Variants in PDHX observed in about 807,000 individuals in gnomAD.
The protein encoded by PDHX is pyruvate dehydrogenase complex component X, also known as pyruvate dehydrogenase protein X component, mitochondrial.
In PDHX, 33 loss-of-function variants were observed where a neutral mutation model predicts 55.3. The observed-to-expected ratio is 0.60, with a 90% confidence interval of 0.45 to 0.80. PDHX has a LOEUF of 0.80. PDHX is among the 30% of genes least tolerant of loss of function. PDHX has a pLI of 0.00. For synonymous variants in PDHX, 226 were observed against 219.4 expected (o/e 1.03, Z -0.27); for missense variants, 622 against 619.9 (o/e 1.00, Z -0.04).
At chr11:34,922,329 T>A (rs1159807352) in intron 1 of PDHX, among the ~76,000 whole-genome samples, 1 of 152,200 alleles carries the variant, frequency 6.6e-6, no homozygotes, top group Non-Finnish European at 1.5e-5. Context: ...GGTTTGGGAA[T>A]AATAAGTAGC....
intron 2 of PDHX, among the ~76,000 whole-genome samples, chr11:34,934,640 C>T (rs1035679885): frequency 1.5e-5 from 2 of 135,310 alleles, no homozygotes; most frequent in South Asian, 2.3e-4. Context: ...TATAATGGCG[C>T]GATCTCTGCT....
chr11:34,939,500 T>TGC (rs1293032277), intron 2 of PDHX, among the ~76,000 whole-genome samples: 27 of 128,276 alleles, frequency 2.1e-4, no homozygotes, highest in African/African-American at 4.8e-4. Flanking sequence ...TGTGTGTGTG[T>TGC]GTGTGCACTT....
intron 7 of PDHX, among the ~76,000 whole-genome samples, chr11:34,970,650 A>T (rs1214154946): frequency 1.3e-5 from 2 of 152,226 alleles, no homozygotes; most frequent in Non-Finnish European, 2.9e-5. Context: ...AGCTTTAAAA[A>T]TACAGGTTGA....
chr11:34,936,390 A>G (rs12275339), intron 2 of PDHX, among the ~76,000 whole-genome samples: 28,774 of 152,122 alleles, frequency 0.19, 3,888 homozygotes, highest in African/African-American at 0.39. Context: ...ATAGAACTGC[A>G]GTGCTGTAAG....
At chr11:34,959,286 T>C (rs2133974483) in intron 4 of PDHX, among the ~76,000 whole-genome samples, 1 of 152,186 alleles carries the variant, frequency 6.6e-6, no homozygotes, top group Middle Eastern at 3.4e-3. Context: ...CCCAAGAAGA[T>C]ACATAGATGG....
At position 34,995,546 on chromosome 11, in the gene PDHX, G is replaced by A. The variant is rs937655238; in HGVS notation, c.*374G>A. On this transcript the variant is annotated 3_prime_UTR_variant, in exon 11 of 11. Transcript: ENST00000227868. The stretch of plus-strand genomic sequence containing the variant: ...TAAAATTAAAAAAACTATTAGAACT[G>A]TACCATAATTATGTTGAAGGTAGAA... 3.5e-6 allele frequency: 1 copy of A among 285,734 alleles called. No homozygotes were observed. The highest frequency in any genetic ancestry group is 6.8e-6 in the Non-Finnish European group (1 of 146,998). The allele number at this position is 285,734 out of a possible 1,614,324, so 17.7% of individuals were successfully genotyped here. A position where few individuals can be genotyped will look rare whatever the true frequency, so the allele number is the denominator to read the frequency against.
chr11:34,932,482 C>T (rs79350080), intron 2 of PDHX, among the ~76,000 whole-genome samples: 2,313 of 152,240 alleles, frequency 0.015, 59 homozygotes, highest in African/African-American at 0.05. Flanking sequence ...TAGAAAAAGA[C>T]GCCTAACCTT....
chr11:34,956,894 TC>T (rs1282989323), intron 3 of PDHX, among the ~76,000 whole-genome samples: 1 of 152,238 alleles, frequency 6.6e-6, no homozygotes, highest in Non-Finnish European at 1.5e-5. Flanking sequence ...GTTCATCTTT[TC>T]AGACTAAGTT....
At chr11:34,968,353 A>C (rs139733173) in intron 6 of PDHX, among the ~76,000 whole-genome samples, 1 of 152,158 alleles carries the variant, frequency 6.6e-6, no homozygotes. Flanking sequence ...TACTTGACCA[A>C]GTACTTTGCT....
intron 3 of PDHX, among the ~76,000 whole-genome samples, chr11:34,949,113 T>C (rs964719184): frequency 2.0e-5 from 3 of 152,218 alleles, no homozygotes; most frequent in African/African-American, 7.2e-5. Context: ...GAAAAGACTG[T>C]ATATTTTAGG....
At chr11:34,989,923 A>C (rs1478383317) in intron 9 of PDHX, among the ~76,000 whole-genome samples, 2 of 152,234 alleles carry the variant, frequency 1.3e-5, no homozygotes, top group African/African-American at 4.8e-5. Context: ...ATTTTAAAAC[A>C]AATTTCAGTA....
At chr11:34,927,801 A>G (rs1040156570) in intron 1 of PDHX, among the ~76,000 whole-genome samples, 10 of 152,138 alleles carry the variant, frequency 6.6e-5, no homozygotes, top group Admixed American at 1.3e-4. Flanking sequence ...GTAATCTATC[A>G]AGAGATAGTA....
intron 6 of PDHX, among the ~76,000 whole-genome samples, chr11:34,967,502 T>A (rs1855163153): frequency 6.6e-6 from 1 of 152,202 alleles, no homozygotes; most frequent in East Asian, 1.9e-4. Flanking sequence ...TATGTTCTAC[T>A]TTTTAACTAG....
chr11:34,922,865 TGTGTGTG>T (rs1853922593), intron 1 of PDHX, among the ~76,000 whole-genome samples: 1 of 18,550 alleles, frequency 5.4e-5, no homozygotes, highest in Non-Finnish European at 1.2e-4. Flanking sequence ...AAAGTATCGT[TGTGTGTG>T]TGTGTGTGTG....
At chr11:34,943,335 A>C (rs1416188151) in intron 2 of PDHX, among the ~76,000 whole-genome samples, 1 of 152,246 alleles carries the variant, frequency 6.6e-6, no homozygotes, top group Non-Finnish European at 1.5e-5. Flanking sequence ...AGAAAGTTAT[A>C]TAGCTGAAGT....
chr11:34,918,782 T>C lies in PDHX; in HGVS notation c.160+1967T>C, dbSNP rs529441117. Among the ~76,000 whole-genome samples the C allele has an allele frequency of 2.0e-5, 3 of 152,346 alleles. No individual in the cohort carries two copies. The South Asian group carries it at 6.2e-4, about 32-fold the overall frequency. On this transcript the variant is annotated intron_variant, in intron 1 of 10. Transcript: ENST00000227868. Reference sequence around the variant, plus strand: ...AAGCTATTGGTAGGAGCTGCATTCTTTTCTGGAGGCTCGAGACCCCATTCC... The same window carrying C: ...AAGCTATTGGTAGGAGCTGCATTCTCTTCTGGAGGCTCGAGACCCCATTCC...
chr11:34,916,513 G>A, upstream of PDHX: 2 of 1,456,214 alleles, frequency 1.4e-6, no homozygotes, highest in Non-Finnish European at 1.8e-6. Flanking sequence ...TGGAGGCGGG[G>A]CTGGGTTGGG....
At chr11:34,981,449 C>T (rs1014047722) in intron 8 of PDHX, among the ~76,000 whole-genome samples, 31 of 152,184 alleles carry the variant, frequency 2.0e-4, no homozygotes, top group Middle Eastern at 3.4e-3. Context: ...TGAATAGTGC[C>T]ACAATAAACA....
rs377496059 is a variant in PDHX at position 34,954,119 on chromosome 11, C to A, written c.343-3265C>A. Reference sequence around the variant, plus strand: ...CATGATGGAAAATCATAGTGATGAACCAGATAAGTCAGTCACGTGACTCAG... The same window carrying A: ...CATGATGGAAAATCATAGTGATGAAACAGATAAGTCAGTCACGTGACTCAG... On this transcript the variant is annotated intron_variant, in intron 3 of 10. Coordinates refer to ENST00000227868, the MANE Select transcript of PDHX (RefSeq NM_003477.3). Among the ~76,000 whole-genome samples, 70 of 152,258 alleles carry A rather than the reference C, an allele frequency of 4.6e-4. 1 individual carries two copies. Among genetic ancestry groups the A allele is most frequent in the African/African-American group, 1.6e-3 (66 of 41,554 alleles).
Sources: gnomAD v4.1 joint callset for allele counts (sites outside exome capture counted in the v4.1 genomes callset) on GRCh38, gnomAD v4.1.1 for gene constraint, MANE v1.5 for transcripts, NCBI Gene and HGNC (gene_info 2026-07-23, HGNC 2026-07-21) for gene names.